IKBKG: variants seen among roughly 807,000 people sequenced by gnomAD.
The protein encoded by IKBKG is NF-kappa-B essential modulator.
A neutral mutation model predicts 13.7 loss-of-function variants in IKBKG; 2 were observed. The observed-to-expected ratio is 0.15, with a 90% confidence interval of 0.06 to 0.46. The LOEUF (loss-of-function observed/expected upper bound fraction) is 0.46, where lower values mean the gene tolerates loss of function less well. IKBKG is among the 20% of genes least tolerant of loss of function. IKBKG has a pLI of 0.98. For synonymous variants in IKBKG, 22 were observed against 64.4 expected, an observed-to-expected ratio of 0.34 and a Z score of 3.15; for missense variants, 53 against 150.3, an observed-to-expected ratio of 0.35 and a Z score of 3.39.
upstream of IKBKG, chrX:154,547,371 G>A (rs1250996275): frequency 1.3e-6 from 1 of 755,261 alleles, no homozygotes. Context: ...AGAGGGCGGG[G>A]CGGCCGAGCG....
chrX:154,551,909 A>G, intron 1 of IKBKG, 79 bp from the exon 2 acceptor site: 1 of 734,299 alleles, frequency 1.4e-6, no homozygotes, highest in Non-Finnish European at 1.9e-6. Context: ...TTTAAAATGT[A>G]GCCCCAGAAC....
chrX:154,545,767 C>T (rs1444060900), upstream of IKBKG: 4 of 305,938 alleles, frequency 1.3e-5, no homozygotes, highest in Admixed American at 1.1e-4. Context: ...CCCAGGAGGC[C>T]GAGGTTGCAG....
chrX:154,555,648 C>T (rs1452767764), intron 2 of IKBKG, among the ~76,000 whole-genome samples: 3 of 111,531 alleles, frequency 2.7e-5, no homozygotes, highest in Admixed American at 9.5e-5. Flanking sequence ...GGTGTGATCT[C>T]GGCTCACTGC....
intron 1 of IKBKG, chrX:154,548,044 G>A: frequency 1.3e-6 from 1 of 754,859 alleles, no homozygotes; most frequent in Non-Finnish European, 1.6e-6. Context: ...CTCTATCGAG[G>A]TCGTTAAATT....
upstream of IKBKG, chrX:154,547,339 CTCT>C (rs1480505309): frequency 6.2e-5 from 47 of 754,202 alleles, no homozygotes; most frequent in Admixed American, 1.7e-4. Context: ...ATTGGGCAGT[CTCT>C]TCTTGATTCC....
intron 2 of IKBKG, among the ~76,000 whole-genome samples, chrX:154,555,790 A>G (rs1431694969): frequency 9.0e-6 from 1 of 111,550 alleles, no homozygotes; most frequent in African/African-American, 3.3e-5. Context: ...ATGTTGGCCA[A>G]GCTGGTCTGG....
chrX:154,554,525 C>T (rs782169876), intron 2 of IKBKG, among the ~76,000 whole-genome samples: 5 of 112,072 alleles, frequency 4.5e-5, no homozygotes, highest in African/African-American at 1.6e-4. Flanking sequence ...TTGGGAGGCC[C>T]AGGCGGGGGG....
At chrX:154,548,036 C>A in intron 1 of IKBKG, 4 of 754,777 alleles carry the variant, frequency 5.3e-6, no homozygotes, top group Non-Finnish European at 6.3e-6. Context: ...TGACTGCGCT[C>A]TATCGAGGTC....
At chrX:154,544,084 ATCTCCTGACC>A (rs2070611968), upstream of IKBKG, among the ~76,000 whole-genome samples, 1 of 109,041 alleles carries the variant, frequency 9.2e-6, no homozygotes, top group East Asian at 2.9e-4. Context: ...GATGGTCTCA[ATCTCCTGACC>A]TCATGATCCA....
At chrX:154,554,033 G>A (rs1156740978) in intron 2 of IKBKG, among the ~76,000 whole-genome samples, 2 of 112,661 alleles carry the variant, frequency 1.8e-5, no homozygotes, top group Non-Finnish European at 3.8e-5. Flanking sequence ...CCTCAAGGCT[G>A]TATTGACTCC....
At chrX:154,553,423 CA>C (rs2070987808) in intron 2 of IKBKG, among the ~76,000 whole-genome samples, 1 of 112,893 alleles carries the variant, frequency 8.9e-6, no homozygotes, top group Admixed American at 9.3e-5. Context: ...TGGGCAGAGA[CA>C]AGACCCATGC....
chrX:154,552,732 C>T (rs1557235353), intron 2 of IKBKG, among the ~76,000 whole-genome samples: 1 of 111,774 alleles, frequency 8.9e-6, no homozygotes, highest in Non-Finnish European at 1.9e-5. Flanking sequence ...CCGGCGCACA[C>T]CTCAGCGGAG....
intron 1 of IKBKG, among the ~76,000 whole-genome samples, chrX:154,550,744 G>A (rs1254645364): frequency 9.0e-6 from 1 of 111,257 alleles, no homozygotes; most frequent in African/African-American, 3.3e-5. Context: ...GGGTTCAAGC[G>A]ATTCTCTTGC....
intron 1 of IKBKG, among the ~76,000 whole-genome samples, chrX:154,551,641 C>T (rs782382377): frequency 3.6e-5 from 4 of 111,461 alleles, no homozygotes; most frequent in South Asian, 7.5e-4. Context: ...GATGAGGGGC[C>T]GGTACCCTCC....
At chrX:154,552,373 A>G (rs1246892050) in intron 2 of IKBKG, among the ~76,000 whole-genome samples, 184 bp downstream of exon 2, 7 of 111,637 alleles carry the variant, frequency 6.3e-5, no homozygotes, top group Non-Finnish European at 1.1e-4. Flanking sequence ...CAGTACTGGG[A>G]AGGGAAAGGA....
chrX:154,545,952 G>A, upstream of IKBKG: 1 of 1,138,776 alleles, frequency 8.8e-7, no homozygotes. Context: ...GAGCCTGTGG[G>A]GCCCTGCAAC....
intron 1 of IKBKG, among the ~76,000 whole-genome samples, chrX:154,549,063 C>A (rs1224158902): frequency 2.8e-5 from 3 of 105,758 alleles, no homozygotes; most frequent in Admixed American, 2.0e-4. Context: ...GTGATCTCCA[C>A]CCACTGCAAC....
chrX:154,542,590 C>A, upstream of IKBKG: 1 of 843,611 alleles, frequency 1.2e-6, no homozygotes, highest in Non-Finnish European at 1.6e-6. Context: ...GTAAGCTGGC[C>A]AGGGAGGAGG....
chrX:154,548,424 A>G (rs1257595135), intron 1 of IKBKG, among the ~76,000 whole-genome samples: 1 of 112,714 alleles, frequency 8.9e-6, no homozygotes, highest in African/African-American at 3.2e-5. Context: ...AGAACAGACC[A>G]TAGTGGGCAA....
Sources: allele counts gnomAD v4.1 joint callset (sites outside exome capture counted in the v4.1 genomes callset), GRCh38; gene constraint gnomAD v4.1.1; transcripts MANE v1.5; gene names NCBI Gene and HGNC (gene_info 2026-07-23, HGNC 2026-07-21).